The following PLEC variants were observed in gnomAD, a reference collection of about 807,000 sequenced individuals.
PLEC encodes plectin.
In PLEC, 216 loss-of-function variants were observed where a neutral mutation model predicts 392.8. The observed-to-expected ratio is 0.55, with a 90% CI of 0.49 to 0.62. The LOEUF (loss-of-function observed/expected upper bound fraction) is 0.62. PLEC is among the 20% of genes least tolerant of loss of function. PLEC has a pLI of 0.00. For synonymous variants in PLEC, 3,621 were observed against 2,980.6 expected (o/e 1.21, Z -7.00); for missense variants, 6,863 against 6,563.4 (o/e 1.05, Z -1.58).
rs372811597 is a variant in PLEC, at chr8:143,922,766, C to T, written c.7163G>A (p.Arg2388His). 37 of 1,606,998 alleles carry T rather than the reference C, an allele frequency of 2.3e-5. No homozygotes were observed. The highest frequency in any genetic ancestry group is 1.2e-4 in the African/African-American group (9 of 74,818). ...MSAEAERLKLRVAEMSRAQAR... is the reference protein window; with the variant it reads ...MSAEAERLKLHVAEMSRAQAR... ...CTGGGCTCGGCTCATCTCGGCCACA[C>T]GCAGCTTGAGGCGCTCAGCCTCAGC... The change falls in exon 31 of 32, where the codon CGT becomes CAT. Residue 2388 changes from arginine to histidine, a missense_variant. Coordinates refer to ENST00000345136, the MANE Select transcript of PLEC (RefSeq NM_201384.3).
intron 3 of PLEC, chr8:143,937,929 G>A (rs1336006481): frequency 7.9e-6 from 5 of 633,704 alleles, no homozygotes; most frequent in Non-Finnish European, 1.4e-5. Flanking sequence ...CGAGGTCCGA[G>A]GGTTGCGGCC....
chr8:143,942,259 G>T, upstream of PLEC: 1 of 1,068,702 alleles, frequency 9.4e-7, no homozygotes. Flanking sequence ...CCGGAGCTCG[G>T]GGGCAAGGCT....
At chr8:143,950,586 G>A in exon 1 of PLEC, 1 of 1,608,088 alleles carries the variant, frequency 6.2e-7, no homozygotes, top group Non-Finnish European at 8.5e-7. Context: ...GTGACGCCGG[G>A]CACATGGGGG....
Position 143,921,226 on chromosome 8 carries a change from C to T in PLEC, c.8595G>A (p.Leu2865=). Residue 2865 remains leucine, a synonymous_variant, in exon 32 of 32, where the codon CTG becomes CTA. Coordinates refer to ENST00000345136, the MANE Select transcript of PLEC (RefSeq NM_201384.3). ...CCTCCACGCAGCGCTCCAGTAGCTGCAGGTACGTGAGGTTCTCGTGCGTGT... is the reference window on the plus strand; with the variant it reads ...CCTCCACGCAGCGCTCCAGTAGCTGTAGGTACGTGAGGTTCTCGTGCGTGT... ...DPNTHENLTY[L]QLLERCVEDP... The T allele has an allele frequency of 3.7e-6, 6 of 1,614,126 alleles. No homozygotes were observed. The highest frequency in any genetic ancestry group is 5.1e-6 in the Non-Finnish European group (6 of 1,180,050).
In PLEC at chr8:143,934,047, G is replaced by A. The variant is rs377430087; in HGVS notation, c.1214C>T (p.Ala405Val). Residue 405 changes from alanine to valine, a missense_variant, in exon 12 of 32, where the codon GCG becomes GTG. Physicochemically the swap from Ala to Val is moderately conservative, Grantham distance 64. Coordinates refer to ENST00000345136, the MANE Select transcript of PLEC (RefSeq NM_201384.3). The stretch of plus-strand genomic sequence containing the variant: ...GTTCAGCTGCTCCTCACACAGCCCC[G>A]CCTCCATCTGCAGCTTGGTCACGAT... ...QRIVTKLQME[A>V]GLCEEQLNQA... The A allele has an allele frequency of 8.1e-6, 13 of 1,611,574 alleles. No homozygotes were observed. The highest frequency in any genetic ancestry group is 5.3e-5 in the African/African-American group (4 of 74,860).
rs1271720876 is a variant in PLEC, at chr8:143,926,780, G to A, written c.4044+4C>T. The A allele has an allele frequency of 3.7e-6, 6 of 1,610,924 alleles. No homozygotes were observed. The highest frequency in any genetic ancestry group is 1.3e-5 in the African/African-American group (1 of 74,890). On this transcript the variant is annotated splice_donor_region_variant and intron_variant, in intron 30 of 31. Transcript: ENST00000345136. ...CTGCCCAGCCTCCGCCCAACGGGCT[G>A]TACCTCCTCCTCCTCCATGCGCCGC...
At position 143,916,132 on chromosome 8, in the gene PLEC, G is replaced by T; in HGVS notation, c.*45C>A. 2.1e-6 allele frequency: 3 copies of T among 1,445,184 alleles called. No individual in the cohort carries two copies. The highest frequency in any genetic ancestry group is 2.7e-6 in the Non-Finnish European group (3 of 1,096,168). The allele number at this position is 1,445,184 out of a possible 1,614,324, so 89.5% of individuals were successfully genotyped here. ...GAAAACGGCCCCCGCGCCTCGGTGGGAGCCGGGCTGGGCCGCATGCAGAGC... is the reference window on the plus strand; with the variant it reads ...GAAAACGGCCCCCGCGCCTCGGTGGTAGCCGGGCTGGGCCGCATGCAGAGC... On this transcript the variant is annotated 3_prime_UTR_variant, in exon 32 of 32. Transcript: ENST00000345136.
rs1289430317 is a variant in PLEC at position 143,917,549 on chromosome 8, A to C, written c.12272T>G (p.Phe4091Cys). 1.2e-6 allele frequency: 2 copies of C among 1,613,822 alleles called. No individual in the cohort carries two copies. The highest frequency in any genetic ancestry group is 1.7e-6 in the Non-Finnish European group (2 of 1,180,026). The change falls in exon 32 of 32, where the codon TTT becomes TGT. Residue 4091 changes from phenylalanine to cysteine, a missense_variant. Transcript: ENST00000345136. ...TDPSDDTKGF[F>C]DPNTEENLTY... The stretch of plus-strand genomic sequence containing the variant: ...GAGGTTCTCCTCCGTGTTAGGGTCA[A>C]AGAAGCCCTTGGTGTCGTCCGAGGG...
chr8:143,920,847 T>C lies in PLEC; in HGVS notation c.8974A>G (p.Ile2992Val). 3 of 1,609,556 alleles carry C rather than the reference T, an allele frequency of 1.9e-6. No homozygotes were observed. Among genetic ancestry groups the C allele is most frequent in the Non-Finnish European group, 8.5e-7 (1 of 1,179,938 alleles). Residue 2992 changes from isoleucine to valine, a missense_variant, in exon 32 of 32, where the codon ATC becomes GTC. Ile to Val is a conservative substitution (Grantham distance 29). Coordinates refer to ENST00000345136, the MANE Select transcript of PLEC (RefSeq NM_201384.3). ...PAAELLESRV[I>V]DRELYQQLQR... ...AGCTGCTGGTAGAGCTCGCGGTCGA[T>C]GACCCTGCTCTCCAGCAGCTCGGCG...
chr8:143,954,491 G>A (rs1430987700), upstream of PLEC, among the ~76,000 whole-genome samples: 2 of 152,172 alleles, frequency 1.3e-5, no homozygotes, highest in Non-Finnish European at 2.9e-5. This position sits in a 1 kb window ranked among gnomAD's most constrained non-coding sequence, Gnocchi z 4.6. Context: ...GCGCCCCCCA[G>A]TCTGCCCACT....
In PLEC at chr8:143,927,053, T is replaced by C. The variant is rs200895043; in HGVS notation, c.3869A>G (p.Lys1290Arg). ...GGAGGCCACCGGCTCAAGCTGCGCC[T>C]TGTACGTCACCAGCTGGAGTTCATA... is the stretch of plus-strand genomic sequence containing the variant. Reference protein sequence around the residue: ...KDYELQLVTYKAQLEPVASPA... With the variant: ...KDYELQLVTYRAQLEPVASPA... The change falls in exon 29 of 32, where the codon AAG becomes AGG. Residue 1290 changes from lysine (K) to arginine (R), a missense_variant. Transcript: ENST00000345136. 2.0e-3 allele frequency: 3,148 copies of C among 1,611,936 alleles called. 24 individuals are homozygous for C. The highest frequency in any genetic ancestry group is 0.011 in the African/African-American group (847 of 75,060).
upstream of PLEC, among the ~76,000 whole-genome samples, chr8:143,951,737 C>A (rs1227035601): frequency 6.6e-6 from 1 of 152,182 alleles, no homozygotes; most frequent in Non-Finnish European, 1.5e-5. Context: ...AAGTGCCCGT[C>A]TGCAGGCCAG....
At chr8:143,928,727 T>C (rs1475570937) in intron 25 of PLEC, among the ~76,000 whole-genome samples, 2 of 152,168 alleles carry the variant, frequency 1.3e-5, no homozygotes, top group Admixed American at 1.3e-4. Context: ...TGGAAATAAA[T>C]GCCAGAGGCC....
chr8:143,936,034 G>A lies in PLEC; in HGVS notation c.436-20C>T. The A allele has an allele frequency of 2.5e-6, 4 of 1,609,776 alleles. No homozygotes were observed. The highest frequency in any genetic ancestry group is 1.1e-5 in the South Asian group (1 of 91,084). On this transcript the variant is annotated intron_variant, in intron 5 of 31. Coordinates refer to ENST00000345136, the MANE Select transcript of PLEC (RefSeq NM_201384.3). ...TGAGATCTGCTCACAGCAGAGAGGA[G>A]GCCACAGCTCAGCCACAGCCACCAG...
Position 143,921,917 on chromosome 8 carries a change from C to A in PLEC, c.7904G>T (p.Gly2635Val). 1 of 1,599,742 alleles carries A rather than the reference C, an allele frequency of 6.3e-7. No homozygotes were observed. The highest frequency in any genetic ancestry group is 8.5e-7 in the Non-Finnish European group (1 of 1,179,774). The stretch of plus-strand genomic sequence containing the variant: ...CTCCGGCTCTGCCTCTGCCGCGGGG[C>A]CATCAAGTGCATCCCGGCCATTGGG... ...TLPNGRDALD[G>V]PAAEAEPEHS... Residue 2635 changes from glycine (G) to valine (V), a missense_variant, in exon 32 of 32, where the codon GGC (glycine) becomes GTC (valine). Transcript: ENST00000345136.
chr8:143,916,386 T>C lies in PLEC; in HGVS notation c.13435A>G (p.Ser4479Gly). 1 of 1,610,884 alleles carries C rather than the reference T, an allele frequency of 6.2e-7. No homozygotes were observed. The highest frequency in any genetic ancestry group is 8.5e-7 in the Non-Finnish European group (1 of 1,179,118). ...QSTKGYYSPY[S>G]VSGSGSTAGS... ...GCGGTAGAGCCGGAGCCGCTGACGCTGTAGGGGCTGTAGTAGCCCTTGGTG... is the reference window on the plus strand; with the variant it reads ...GCGGTAGAGCCGGAGCCGCTGACGCCGTAGGGGCTGTAGTAGCCCTTGGTG... The change falls in exon 32 of 32, where the codon AGC becomes GGC. Residue 4479 changes from serine to glycine, a missense_variant. Physicochemically the swap from Ser to Gly is moderately conservative, Grantham distance 56. Transcript: ENST00000345136.
In PLEC at chr8:143,929,760, G is replaced by A. The variant is rs782546743; in HGVS notation, c.2809C>T (p.Leu937=). The change falls in exon 23 of 32, where the codon CTG becomes TTG. Residue 937 remains leucine, a synonymous_variant. Coordinates refer to ENST00000345136, the MANE Select transcript of PLEC (RefSeq NM_201384.3). ...HSLELHYQAF[L]RDSQDAGGFG... The stretch of plus-strand genomic sequence containing the variant: ...CCGCCCGCGTCCTGGCTGTCCCGCA[G>A]GAAGGCCTGGTAGTGCAGCTCCAGG... The A allele has an allele frequency of 8.1e-6, 13 of 1,600,136 alleles. No homozygotes were observed. Among genetic ancestry groups the A allele is most frequent in the African/African-American group, 4.0e-5 (3 of 74,900 alleles).
Position 143,924,923 on chromosome 8 carries a change from GCCT to G in PLEC, c.5003_5005del (p.Glu1668del), listed in dbSNP as rs782362153. 4.9e-5 allele frequency: 78 copies of G among 1,584,616 alleles called. No individual in the cohort carries two copies. The highest frequency in any genetic ancestry group is 1.7e-4 in the Middle Eastern group (1 of 6,002). On this transcript the variant is annotated inframe_deletion, in exon 31 of 32. Transcript: ENST00000345136. ...GCCGCGCCGCCGCGCCTCGCGCTCC[GCCT>G]CCTCCTTCTGCTTCTCAGCCTCGGC...
upstream of PLEC, chr8:143,939,634 G>C (rs1339520283): frequency 7.7e-6 from 11 of 1,427,182 alleles, no homozygotes; most frequent in East Asian, 2.7e-5. Flanking sequence ...TGTACTCCCC[G>C]GCGAGGCCGG....
Sources: gnomAD v4.1 joint callset for allele counts (sites outside exome capture counted in the v4.1 genomes callset) on GRCh38, gnomAD v4.1.1 for gene constraint, Gnocchi (gnomAD v3.1) non-coding constraint, MANE v1.5 for transcripts, NCBI Gene and HGNC (gene_info 2026-07-23, HGNC 2026-07-21) for gene names.